Variants in PCDH7 observed in about 807,000 individuals in gnomAD.
PCDH7 encodes protocadherin 7.
PCDH7 carries 17 observed loss-of-function variants against 58.9 expected under a neutral mutation model. The observed-to-expected ratio is 0.29, with a 90% CI of 0.20 to 0.43. The LOEUF (loss-of-function observed/expected upper bound fraction) is 0.43, where lower values mean the gene tolerates loss of function less well. Ranked by LOEUF, PCDH7 falls within the 20% of genes least tolerant of loss-of-function variation. The pLI, the probability that PCDH7 is intolerant of heterozygous loss-of-function variation, is 1.00. For missense variants in PCDH7, 1,274 were observed against 1,441.0 expected (o/e 0.88, Z 1.88); for synonymous variants, 664 against 616.4 (o/e 1.08, Z -1.14).
intron 3 of PCDH7, among the ~76,000 whole-genome samples, chr4:31,085,054 C>T (rs1258142770): frequency 6.6e-6 from 1 of 152,100 alleles, no homozygotes; most frequent in Admixed American, 6.6e-5. Flanking sequence ...GCCAGCTGTG[C>T]AGGAGACTGG....
chr4:30,736,525 A>AT (rs1218971821), downstream of PCDH7, among the ~76,000 whole-genome samples: 4 of 143,274 alleles, frequency 2.8e-5, no homozygotes, highest in Non-Finnish European at 6.1e-5. Flanking sequence ...TTATTTATTT[A>AT]TTTTCATTTA....
At position 31,095,073 on chromosome 4, in the gene PCDH7, A is replaced by C. The variant is rs187100837; in HGVS notation, c.*8-47400A>C. Among the ~76,000 whole-genome samples the C allele has an allele frequency of 2.3e-4, 35 of 152,290 alleles. 2 individuals carry two copies. Among genetic ancestry groups the C allele is most frequent in the African/African-American group, 7.9e-4 (33 of 41,570 alleles). On this transcript the variant is annotated intron_variant, in intron 3 of 3. Transcript: ENST00000509759. Reference sequence around the variant, plus strand: ...AAAGACCTTTACCTGTATAAAAGCCAAAGATACAACAGAGAACTGAATTAT... The same window carrying C: ...AAAGACCTTTACCTGTATAAAAGCCCAAGATACAACAGAGAACTGAATTAT...
At chr4:30,799,361 T>C (rs79597771) in intron 1 of PCDH7, among the ~76,000 whole-genome samples, 1,839 of 152,326 alleles carry the variant, frequency 0.012, 38 homozygotes, top group African/African-American at 0.042. Flanking sequence ...AAAGACACCC[T>C]GTAAAGTTAT....
At chr4:30,988,817 C>A (rs1030059894) in intron 3 of PCDH7, among the ~76,000 whole-genome samples, 5 of 152,136 alleles carry the variant, frequency 3.3e-5, no homozygotes, top group African/African-American at 9.7e-5. Flanking sequence ...AATGGAAGAA[C>A]TCTTTCTTTG....
At chr4:31,093,526 C>T (rs1560217680) in intron 3 of PCDH7, among the ~76,000 whole-genome samples, 1 of 151,976 alleles carries the variant, frequency 6.6e-6, no homozygotes, top group East Asian at 1.9e-4. Flanking sequence ...AACATAAGGC[C>T]CATATTTGTT....
intron 3 of PCDH7, among the ~76,000 whole-genome samples, chr4:31,037,784 GC>G (rs1472773244): frequency 6.6e-6 from 1 of 152,178 alleles, no homozygotes; most frequent in Non-Finnish European, 1.5e-5. Context: ...CTGCTGTGAG[GC>G]CAGCATTTGT....
intron 1 of PCDH7, among the ~76,000 whole-genome samples, chr4:30,849,269 A>G (rs1732398356): frequency 6.6e-6 from 1 of 152,142 alleles, no homozygotes; most frequent in South Asian, 2.1e-4. Context: ...TGGGGAAATC[A>G]TAGATTCATA....
At chr4:30,965,272 G>C (rs1173933099) in intron 3 of PCDH7, among the ~76,000 whole-genome samples, 1 of 152,006 alleles carries the variant, frequency 6.6e-6, no homozygotes, top group Non-Finnish European at 1.5e-5. Flanking sequence ...TCACAACTGG[G>C]AGATAAAGCA....
intron 1 of PCDH7, among the ~76,000 whole-genome samples, chr4:30,902,439 C>T (rs920970984): frequency 2.0e-5 from 3 of 152,090 alleles, no homozygotes; most frequent in Non-Finnish European, 4.4e-5. Flanking sequence ...CTATCTTGTT[C>T]CTTCCCCCAG....
chr4:31,137,554 A>G (rs1719758069), intron 3 of PCDH7, among the ~76,000 whole-genome samples: 1 of 152,278 alleles, frequency 6.6e-6, no homozygotes, highest in Non-Finnish European at 1.5e-5. Flanking sequence ...ACTGCACTCC[A>G]GCCTGGATGA....
intron 3 of PCDH7, among the ~76,000 whole-genome samples, chr4:31,102,510 G>T (rs1715023203): frequency 6.6e-6 from 1 of 152,142 alleles, no homozygotes; most frequent in Middle Eastern, 3.4e-3. Context: ...ATCACTTGGG[G>T]TCAGGAGTTC....
chr4:30,751,549 G>A (rs1577656785), intron 1 of PCDH7, among the ~76,000 whole-genome samples: 2 of 152,050 alleles, frequency 1.3e-5, no homozygotes, highest in East Asian at 1.9e-4. Flanking sequence ...AAAGTTTATA[G>A]GTTATATAAT....
At chr4:30,927,308 G>A (rs555889512) in intron 2 of PCDH7, among the ~76,000 whole-genome samples, 1 of 152,166 alleles carries the variant, frequency 6.6e-6, no homozygotes, top group Non-Finnish European at 1.5e-5. Context: ...AAAAAACCTT[G>A]TGCTGTGAGG....
chr4:30,894,219 A>G (rs1031482061), intron 1 of PCDH7, among the ~76,000 whole-genome samples: 20 of 151,886 alleles, frequency 1.3e-4, no homozygotes, highest in Admixed American at 6.6e-4. Flanking sequence ...TTTGAATTCT[A>G]TTAAACCAGA....
intron 1 of PCDH7, among the ~76,000 whole-genome samples, chr4:30,748,467 C>T (rs142223013): frequency 2.4e-4 from 37 of 152,286 alleles, no homozygotes; most frequent in African/African-American, 8.7e-4. Flanking sequence ...GGCAACACAT[C>T]GTGAGTGAGC....
chr4:30,970,589 G>C (rs568201629), intron 3 of PCDH7, among the ~76,000 whole-genome samples: 1 of 152,092 alleles, frequency 6.6e-6, no homozygotes, highest in African/African-American at 2.4e-5. Flanking sequence ...CACCGCTCCC[G>C]GCCAAATGAT....
rs1171618272 is a variant in PCDH7 at position 30,912,470 on chromosome 4, A to G, written c.71-7683A>G. On this transcript the variant is annotated intron_variant, in intron 1 of 3. Coordinates refer to the PCDH7 transcript ENST00000509759. ...TGCTTTTTGACTGACAAAAAGAGTC[A>G]TTAGAATTCTGTTTGATGGACATAA... Among the ~76,000 whole-genome samples the G allele has an allele frequency of 1.9e-4, 29 of 152,170 alleles. 1 individual carries two copies.
At chr4:30,920,273 T>A in exon 2 of PCDH7, 1 of 1,367,526 alleles carries the variant, frequency 7.3e-7, no homozygotes, top group Non-Finnish European at 9.8e-7. Flanking sequence ...TAAGAGTTCA[T>A]CAGGGCCAAG....
At chr4:30,826,272 A>C (rs538758055) in intron 1 of PCDH7, among the ~76,000 whole-genome samples, 14 of 152,298 alleles carry the variant, frequency 9.2e-5, no homozygotes, top group African/African-American at 3.4e-4. Flanking sequence ...ATAGAAAGTC[A>C]GTGTATTTTG....
Sources: gnomAD v4.1 joint callset for allele counts (sites outside exome capture counted in the v4.1 genomes callset) on GRCh38, gnomAD v4.1.1 for gene constraint, MANE v1.5 for transcripts, NCBI Gene and HGNC (gene_info 2026-07-23, HGNC 2026-07-21) for gene names.